NDRG1: variants seen among roughly 807,000 people sequenced by gnomAD.
The protein encoded by NDRG1 is protein NDRG1.
Under a neutral mutation model 56.9 loss-of-function variants are expected in NDRG1, and 32 were observed. The observed-to-expected ratio is 0.56, with a 90% CI of 0.42 to 0.76. The LOEUF (loss-of-function observed/expected upper bound fraction) is 0.76. Ranked by LOEUF, NDRG1 falls within the 30% of genes least tolerant of loss-of-function variation. The pLI, the probability that NDRG1 is intolerant of heterozygous loss-of-function variation, is 0.00. For missense variants in NDRG1, 507 were observed against 545.7 expected, an observed-to-expected ratio of 0.93 and a Z score of 0.71; for synonymous variants, 211 against 204.1, an observed-to-expected ratio of 1.03 and a Z score of -0.29.
intron 3 of NDRG1, among the ~76,000 whole-genome samples, chr8:133,269,409 CT>C (rs1563631821): frequency 6.6e-6 from 1 of 152,238 alleles, no homozygotes; most frequent in Non-Finnish European, 1.5e-5. Context: ...GTCTAGAAAG[CT>C]GCTCTTTCAA....
chr8:133,295,497 C>A (rs1032472168), intron 1 of NDRG1, among the ~76,000 whole-genome samples: 2 of 152,250 alleles, frequency 1.3e-5, no homozygotes, highest in Admixed American at 6.5e-5. Context: ...CCACACACAC[C>A]ACACAGAACC....
intron 3 of NDRG1, among the ~76,000 whole-genome samples, chr8:133,271,879 AAGAC>A (rs1857209821): frequency 3.3e-5 from 5 of 151,794 alleles, no homozygotes; most frequent in African/African-American, 1.2e-4. Flanking sequence ...ACACGATAAA[AAGAC>A]AGCCACCCAC....
intron 5 of NDRG1, among the ~76,000 whole-genome samples, chr8:133,260,422 G>A (rs1856604918): frequency 6.6e-6 from 1 of 152,204 alleles, no homozygotes. Flanking sequence ...CTGACAGTGG[G>A]TCCCACCAGA....
intron 3 of NDRG1, among the ~76,000 whole-genome samples, chr8:133,271,369 C>G (rs1253101097): frequency 6.6e-6 from 1 of 152,118 alleles, no homozygotes; most frequent in African/African-American, 2.4e-5. Flanking sequence ...ATCATGGGAA[C>G]AGAGGCTCAA....
chr8:133,266,678 CT>C (rs1254157541), intron 3 of NDRG1, among the ~76,000 whole-genome samples: 1 of 152,242 alleles, frequency 6.6e-6, no homozygotes, highest in Non-Finnish European at 1.5e-5. Flanking sequence ...CTTCTTACCC[CT>C]GATACTTAAG....
chr8:133,273,904 T>A (rs997135724), intron 3 of NDRG1, among the ~76,000 whole-genome samples: 12 of 151,698 alleles, frequency 7.9e-5, no homozygotes, highest in Non-Finnish European at 1.8e-4. Context: ...ACTCCCCCCC[T>A]CCCTACTCAT....
chr8:133,284,278 C>T lies in NDRG1; in HGVS notation c.34G>A (p.Glu12Lys). Residue 12 changes from glutamate (E) to lysine (K), a missense_variant, in exon 2 of 16, where the codon GAG (glutamate) becomes AAG (lysine). Glu to Lys is a moderately conservative substitution (Grantham distance 56). Transcript: ENST00000323851. Reference sequence around the variant, plus strand: ...CCTTTCTCCACCAAAGGCTTCACCTCAGCGAGGTCTACATCCTGCATCTCC... The same window carrying T: ...CCTTTCTCCACCAAAGGCTTCACCTTAGCGAGGTCTACATCCTGCATCTCC... Reference protein sequence around the residue: ...SREMQDVDLAEVKPLVEKGET... With the variant: ...SREMQDVDLAKVKPLVEKGET... The T allele has an allele frequency of 6.2e-7, 1 of 1,614,208 alleles. No homozygotes were observed. Among genetic ancestry groups the T allele is most frequent in the African/African-American group, 1.3e-5 (1 of 75,048 alleles).
intron 4 of NDRG1, among the ~76,000 whole-genome samples, chr8:133,263,234 G>C (rs1188312059): frequency 1.3e-5 from 2 of 152,222 alleles, no homozygotes; most frequent in Admixed American, 6.5e-5. Context: ...TGAGATAAAA[G>C]AAGGTGAGAA....
In NDRG1 at chr8:133,247,940, T is replaced by C. The variant is rs1413524968; in HGVS notation, c.756-14A>G. 2 of 1,613,650 alleles carry C rather than the reference T, an allele frequency of 1.2e-6. No individual in the cohort carries two copies. Among genetic ancestry groups the C allele is most frequent in the Non-Finnish European group, 1.7e-6 (2 of 1,179,860 alleles). On this transcript the variant is annotated splice_polypyrimidine_tract_variant and intron_variant, in intron 11 of 15. Coordinates refer to ENST00000323851, the MANE Select transcript of NDRG1 (RefSeq NM_006096.4). ...AGAGCAGGGCACCTGGGGTCAGGGA[T>C]AGAGCAGAGAATTAGCACAAGGTTC...
chr8:133,260,054 G>A (rs7825728), intron 5 of NDRG1, among the ~76,000 whole-genome samples: 5,072 of 152,280 alleles, frequency 0.033, 141 homozygotes, highest in Non-Finnish European at 0.047. Flanking sequence ...GCAGAAGTGC[G>A]GCAAAGACAT....
intron 3 of NDRG1, among the ~76,000 whole-genome samples, chr8:133,270,309 C>A (rs1002458205): frequency 6.6e-6 from 1 of 152,206 alleles, no homozygotes; most frequent in African/African-American, 2.4e-5. Context: ...TGGCTGTCAA[C>A]CCTGGCTTGG....
rs1351711662 is a variant in NDRG1 at position 133,250,447 on chromosome 8, A to T, written c.691T>A (p.Tyr231Asn). ...TGAACTACATCCCAATACCTGTTGT[A>T]GGCATTGATGAACAGGTGCAGGTTG... ...PGNLHLFINA[Y>N]NSRRDLEIER... is the part of the protein sequence containing the mutation. Residue 231 changes from tyrosine (Y) to asparagine (N), a missense_variant, in exon 10 of 16, where the codon TAC becomes AAC. Physicochemically the swap from Tyr to Asn is moderately radical, Grantham distance 143. Transcript: ENST00000323851. 2 of 1,613,518 alleles carry T rather than the reference A, an allele frequency of 1.2e-6. No homozygotes were observed. The highest frequency in any genetic ancestry group is 8.5e-7 in the Non-Finnish European group (1 of 1,179,454).
intron 2 of NDRG1, chr8:133,281,016 G>C (rs552466865): frequency 1.3e-5 from 2 of 152,344 alleles, no homozygotes; most frequent in African/African-American, 4.8e-5. Flanking sequence ...TCTCTTGTGA[G>C]TAGAAGAGGC....
At chr8:133,248,897 T>TTC in intron 10 of NDRG1, 126 bp from the exon 11 acceptor site, 1 of 994,376 alleles carries the variant, frequency 1.0e-6, no homozygotes. Context: ...ATCCCCAACT[T>TTC]GAGAGAGGCC....
intron 9 of NDRG1, 111 bp from the exon 10 acceptor site, chr8:133,250,654 T>G: frequency 1.1e-6 from 1 of 944,882 alleles, no homozygotes; most frequent in Non-Finnish European, 1.7e-6. Flanking sequence ...TAATAATGCC[T>G]AATCCACAAG....
intron 9 of NDRG1, among the ~76,000 whole-genome samples, chr8:133,253,112 T>C (rs1182380225): frequency 6.6e-6 from 1 of 152,246 alleles, no homozygotes; most frequent in East Asian, 1.9e-4. Context: ...GACCCTGGGC[T>C]TGCAACCAAG....
chr8:133,258,267 T>C (rs915599293), intron 7 of NDRG1, 99 bp downstream of exon 7: 2 of 1,264,632 alleles, frequency 1.6e-6, no homozygotes, highest in African/African-American at 1.5e-5. Flanking sequence ...TACGGGTCAT[T>C]TCTTTTTCCC....
At chr8:133,254,974 C>T (rs892234570) in intron 8 of NDRG1, 1 of 339,578 alleles carries the variant, frequency 2.9e-6, no homozygotes, top group East Asian at 7.2e-5. Flanking sequence ...CAGTCTATAC[C>T]CCAAGATATG....
chr8:133,275,972 C>T (rs1385284325), intron 3 of NDRG1, among the ~76,000 whole-genome samples: 1 of 152,230 alleles, frequency 6.6e-6, no homozygotes, highest in East Asian at 1.9e-4. Context: ...CTCATCACTG[C>T]ATCCCCAGCA....
Sources: allele counts gnomAD v4.1 joint callset (sites outside exome capture counted in the v4.1 genomes callset), GRCh38; gene constraint gnomAD v4.1.1; transcripts MANE v1.5; gene names NCBI Gene and HGNC (gene_info 2026-07-23, HGNC 2026-07-21).